CDC40: variants seen among roughly 807,000 people sequenced by gnomAD.
CDC40 encodes the protein pre-mRNA-processing factor 17.
CDC40 carries 27 observed loss-of-function variants against 80.6 expected under a neutral mutation model. The ratio of observed to expected loss-of-function variants is 0.33; its 90% CI spans 0.25 to 0.46. The LOEUF is 0.46. CDC40 is among the 20% of genes least tolerant of loss of function. The probability of loss-of-function intolerance (pLI) is 1.00; values close to 1 mark genes in which losing one functional copy is unlikely to be tolerated. For missense variants in CDC40, 486 were observed against 694.1 expected (o/e 0.70, Z 3.37); for synonymous variants, 221 against 232.6 (o/e 0.95, Z 0.45).
At chr6:110,226,025 C>T (rs978353344) in intron 12 of CDC40, 142 bp from the exon 13 acceptor site, 19 of 586,914 alleles carry the variant, frequency 3.2e-5, no homozygotes, top group Middle Eastern at 4.5e-4. Context: ...TTTTCTTCTT[C>T]CAGAAAGTTT....
At position 110,201,696 on chromosome 6, in the gene CDC40, A is replaced by G; in HGVS notation, c.406+9A>G. ...AACTTTTGCAACATATGGTAAGGTG[A>G]TAAGACTTAAGCAGTTTCAATTTTG... On this transcript the variant is annotated intron_variant, in intron 3 of 14. Transcript: ENST00000307731. The G allele has an allele frequency of 1.2e-6, 2 of 1,612,448 alleles. No homozygotes were observed. The highest frequency in any genetic ancestry group is 1.7e-5 in the Admixed American group (1 of 59,946).
intron 1 of CDC40, among the ~76,000 whole-genome samples, chr6:110,182,651 T>C (rs1200537133): frequency 1.3e-5 from 2 of 152,376 alleles, no homozygotes; most frequent in Non-Finnish European, 2.9e-5. Flanking sequence ...ATCTTCCTTA[T>C]TTCTCCCAGG....
chr6:110,199,437 AC>A (rs1471511927), intron 2 of CDC40, among the ~76,000 whole-genome samples: 1 of 152,008 alleles, frequency 6.6e-6, no homozygotes, highest in Admixed American at 6.6e-5. Context: ...TACAAAAAAT[AC>A]AAAAAATTAG....
intron 3 of CDC40, among the ~76,000 whole-genome samples, chr6:110,206,668 G>A (rs925357242): frequency 7.2e-5 from 11 of 152,094 alleles, no homozygotes; most frequent in African/African-American, 2.7e-4. Context: ...ATTAAGATTG[G>A]GAAGGAAGAC....
chr6:110,227,742 G>A (rs1049186441), intron 13 of CDC40, among the ~76,000 whole-genome samples: 1 of 152,182 alleles, frequency 6.6e-6, no homozygotes, highest in Non-Finnish European at 1.5e-5. Flanking sequence ...AAGCATTTAC[G>A]TTGCATTAGG....
At chr6:110,223,134 G>A (rs1022494684) in intron 12 of CDC40, among the ~76,000 whole-genome samples, 2 of 152,158 alleles carry the variant, frequency 1.3e-5, no homozygotes, top group Non-Finnish European at 2.9e-5. Flanking sequence ...GCCTAGACTA[G>A]AATGTAGTGG....
chr6:110,228,855 A>G lies in CDC40; in HGVS notation c.1441A>G (p.Met481Val), dbSNP rs1004630695. 6.3e-6 allele frequency: 10 copies of G among 1,594,482 alleles called. No individual in the cohort carries two copies. In the Admixed American group the frequency reaches 1.3e-4, roughly 20 times the overall value. ...PNGKWLACQS[M>V]DNQILIFGAQ... ...AGGAAAATGGCTAGCATGCCAATCA[A>G]TGGACAACCAAATCTTAATTTTTGG... The change falls in exon 14 of 15, where the codon ATG (methionine) becomes GTG (valine). Residue 481 changes from methionine (M) to valine (V), a missense_variant. This residue lies in a region of CDC40 where 88 missense variants were observed against 138.7 expected (regional missense o/e 0.63). Coordinates refer to ENST00000307731, the MANE Select transcript of CDC40 (RefSeq NM_015891.3).
At chr6:110,229,048 C>A in intron 14 of CDC40, 72 bp downstream of exon 14, 1 of 1,129,334 alleles carries the variant, frequency 8.9e-7, no homozygotes, top group Non-Finnish European at 1.3e-6. Context: ...ACAAATAACA[C>A]TTGACACATC....
chr6:110,180,444 C>A lies in CDC40; in HGVS notation c.-1C>A. The A allele has an allele frequency of 6.2e-7, 1 of 1,614,090 alleles. No homozygotes were observed. Among genetic ancestry groups the A allele is most frequent in the Non-Finnish European group, 8.5e-7 (1 of 1,180,006 alleles). On this transcript the variant is annotated 5_prime_UTR_variant, in exon 1 of 15. Transcript: ENST00000307731. ...GTCTCCGCAGAAGATTTGTTGCCGT[C>A]ATGTCGGCTGCGATTGCAGCTCTGG...
In CDC40 at chr6:110,215,307, C is replaced by T. The variant is rs748401273; in HGVS notation, c.964C>T (p.Arg322Trp). The change falls in exon 9 of 15, where the codon CGG (arginine) becomes TGG (tryptophan). Residue 322 changes from arginine to tryptophan, a missense_variant. Arg to Trp is a moderately radical substitution (Grantham distance 101). Coordinates refer to ENST00000307731, the MANE Select transcript of CDC40 (RefSeq NM_015891.3). ...CCAGCTATGGGAGGTTTATGGAGAACGGCGCTGTCTGAGAACATTTATTGG... is the reference window on the plus strand; with the variant it reads ...CCAGCTATGGGAGGTTTATGGAGAATGGCGCTGTCTGAGAACATTTATTGG... Reference protein sequence around the residue: ...KIKLWEVYGERRCLRTFIGHS... With the variant: ...KIKLWEVYGEWRCLRTFIGHS... 52 of 1,613,170 alleles carry T rather than the reference C, an allele frequency of 3.2e-5. 1 individual carries two copies. In the South Asian group the frequency reaches 4.6e-4, roughly 14 times the overall value.
At chr6:110,196,129 C>A (rs1054613357) in intron 2 of CDC40, among the ~76,000 whole-genome samples, 7 of 152,076 alleles carry the variant, frequency 4.6e-5, no homozygotes, top group African/African-American at 1.7e-4. Context: ...TATTTTATAG[C>A]AAGGAAACCA....
intron 1 of CDC40, among the ~76,000 whole-genome samples, chr6:110,183,630 T>C (rs1777228590): frequency 6.6e-6 from 1 of 152,170 alleles, no homozygotes; most frequent in Non-Finnish European, 1.5e-5. Flanking sequence ...ACATAGTAAA[T>C]ATAATGATTG....
At chr6:110,227,676 C>T (rs913456327) in intron 13 of CDC40, among the ~76,000 whole-genome samples, 2 of 151,852 alleles carry the variant, frequency 1.3e-5, no homozygotes, top group African/African-American at 2.4e-5. Flanking sequence ...ACAAAATAAA[C>T]AATAAAAAAT....
intron 12 of CDC40, among the ~76,000 whole-genome samples, chr6:110,220,733 CTG>C (rs1562207143): frequency 3.1e-4 from 47 of 152,320 alleles, no homozygotes; most frequent in East Asian, 2.1e-3. Context: ...GCGTGAGCCA[CTG>C]CACCCAGCCA....
In CDC40 at chr6:110,226,252, G is replaced by GT; in HGVS notation, c.1417+10dup. 1 of 1,534,002 alleles carries GT rather than the reference G, an allele frequency of 6.5e-7. No homozygotes were observed. The highest frequency in any genetic ancestry group is 9.0e-7 in the Non-Finnish European group (1 of 1,109,854). ...GACTTTGTCTCCAAATGGTGAGTTA[G>GT]TATGTAGATTGTATTTTTAAATGAG... On this transcript the variant is annotated intron_variant, in intron 13 of 14. Transcript: ENST00000307731.
intron 1 of CDC40, among the ~76,000 whole-genome samples, chr6:110,186,352 G>T (rs1777269862): frequency 6.6e-6 from 1 of 152,084 alleles, no homozygotes; most frequent in African/African-American, 2.4e-5. Flanking sequence ...AGCTGGGTGT[G>T]TTGGTGTGTG....
intron 8 of CDC40, among the ~76,000 whole-genome samples, chr6:110,213,395 G>A (rs867563424): frequency 7.4e-6 from 1 of 135,066 alleles, no homozygotes; most frequent in Non-Finnish European, 1.6e-5. Context: ...TTGTTTTTTT[G>A]TTTTTTTTTT....
intron 3 of CDC40, among the ~76,000 whole-genome samples, chr6:110,203,883 C>T (rs1003040807): frequency 1.3e-5 from 2 of 152,160 alleles, no homozygotes; most frequent in South Asian, 2.1e-4. Context: ...TCCTTTTGTT[C>T]GACTTTCATC....
intron 1 of CDC40, among the ~76,000 whole-genome samples, chr6:110,185,499 C>A (rs1051493586): frequency 3.9e-5 from 6 of 152,054 alleles, no homozygotes; most frequent in Non-Finnish European, 8.8e-5. Context: ...GCCTCGGCCT[C>A]CCAAAGTGCT....
Sources: gnomAD v4.1 joint callset for allele counts (sites outside exome capture counted in the v4.1 genomes callset) on GRCh38, gnomAD v4.1.1 for gene constraint, gnomAD v4.1.1 regional missense constraint, MANE v1.5 for transcripts, NCBI Gene and HGNC (gene_info 2026-07-23, HGNC 2026-07-21) for gene names.